Variants in TMEM132D observed in about 807,000 individuals in gnomAD.
TMEM132D encodes the protein transmembrane protein 132D.
A neutral mutation model predicts 62.3 loss-of-function variants in TMEM132D; 21 were observed. The ratio of observed to expected loss-of-function variants is 0.34; its 90% CI spans 0.24 to 0.49. The LOEUF (loss-of-function observed/expected upper bound fraction) is 0.49, where lower values mean the gene tolerates loss of function less well. Ranked by LOEUF, TMEM132D falls within the 20% of genes least tolerant of loss-of-function variation. TMEM132D has a pLI of 0.99. For synonymous variants in TMEM132D, 621 were observed against 575.6 expected (o/e 1.08, Z -1.13); for missense variants, 1,346 against 1,402.8 (o/e 0.96, Z 0.65).
chr12:129,080,992 C>G lies in TMEM132D; in HGVS notation c.1923+767G>C, dbSNP rs116783806. Among the ~76,000 whole-genome samples, 1,175 of 152,208 alleles carry G rather than the reference C, an allele frequency of 7.7e-3. 12 individuals are homozygous for G. The highest frequency in any genetic ancestry group is 0.026 in the African/African-American group (1,079 of 41,534). The stretch of plus-strand genomic sequence containing the variant: ...TCCTTTAGCACATTTCTGAGTTGTT[C>G]AGGTTCTCATCAGGCCCGCGGCTGT... On this transcript the variant is annotated intron_variant, in intron 7 of 8. Transcript: ENST00000422113.
chr12:129,707,194 GTAATA>G (rs965058198), intron 1 of TMEM132D, among the ~76,000 whole-genome samples: 14 of 147,248 alleles, frequency 9.5e-5, no homozygotes, highest in East Asian at 3.9e-4. Context: ...TAATAACATT[GTAATA>G]TAATATATAA....
At chr12:129,314,458 T>C (rs1332927253) in intron 4 of TMEM132D, among the ~76,000 whole-genome samples, 1 of 152,220 alleles carries the variant, frequency 6.6e-6, no homozygotes, top group East Asian at 1.9e-4. Flanking sequence ...TTCTCTATTC[T>C]GTTCCATTGG....
At position 129,882,525 on chromosome 12, in the gene TMEM132D, T is replaced by A. The variant is rs115326890; in HGVS notation, c.79+20736A>T. Among the ~76,000 whole-genome samples, 174 of 152,300 alleles carry A rather than the reference T, an allele frequency of 1.1e-3. 1 individual carries two copies. Among genetic ancestry groups the A allele is most frequent in the African/African-American group, 4.1e-3 (169 of 41,572 alleles). ...TTACTAAGACAAGTCAGGAATAAGT[T>A]CTAGTGGTCTAAACCACTGTAAGAT... On this transcript the variant is annotated intron_variant, in intron 1 of 8. Coordinates refer to ENST00000422113, the MANE Select transcript of TMEM132D (RefSeq NM_133448.3).
chr12:129,758,156 C>T (rs1266673329), intron 1 of TMEM132D, among the ~76,000 whole-genome samples: 3 of 152,116 alleles, frequency 2.0e-5, no homozygotes, highest in Admixed American at 6.5e-5. Context: ...CCTCCTGCCT[C>T]GGCTTCCCAA....
rs76800262 is a variant in TMEM132D, at chr12:129,660,707, C to A, written c.968+39103G>T. On this transcript the variant is annotated intron_variant, in intron 2 of 8. Transcript: ENST00000422113. ...GGGGTACAGGAGCTAGTCTGCACAC[C>A]TTGTACCAAAATGTACTAATGACAA... Among the ~76,000 whole-genome samples the A allele has an allele frequency of 3.6e-3, 547 of 152,238 alleles. 15 individuals carry two copies. In the East Asian group the frequency reaches 0.055, roughly 15 times the overall value.
chr12:129,297,136 T>G (rs1473384452), intron 4 of TMEM132D, among the ~76,000 whole-genome samples: 3 of 152,162 alleles, frequency 2.0e-5, no homozygotes, highest in African/African-American at 7.2e-5. Flanking sequence ...GTCTTTAGTG[T>G]CAGAGGAAAG....
intron 1 of TMEM132D, among the ~76,000 whole-genome samples, chr12:129,785,636 C>T (rs1294058542): frequency 4.6e-5 from 7 of 152,240 alleles, no homozygotes; most frequent in East Asian, 1.9e-4. Flanking sequence ...GCCTTTGAAA[C>T]GCAGGCCAGA....
At chr12:129,263,267 A>T (rs190791969) in intron 4 of TMEM132D, among the ~76,000 whole-genome samples, 4 of 151,050 alleles carry the variant, frequency 2.6e-5, no homozygotes, top group East Asian at 1.9e-4. Context: ...CCTTTACTAT[A>T]CTCTGTTCAA....
intron 3 of TMEM132D, among the ~76,000 whole-genome samples, chr12:129,529,411 T>G (rs1876151075): frequency 6.6e-6 from 1 of 152,228 alleles, no homozygotes; most frequent in Non-Finnish European, 1.5e-5. Flanking sequence ...AAAGGCAGCT[T>G]ACATTTCAAT....
intron 4 of TMEM132D, among the ~76,000 whole-genome samples, chr12:129,253,642 C>T (rs1162237815): frequency 6.6e-6 from 1 of 152,182 alleles, no homozygotes; most frequent in Non-Finnish European, 1.5e-5. Flanking sequence ...TTTTCTCCTC[C>T]ATGTCTCAAC....
chr12:129,290,434 T>A (rs4760019), intron 4 of TMEM132D, among the ~76,000 whole-genome samples: 145,086 of 152,288 alleles, frequency 0.95, 69,507 homozygotes, highest in East Asian at 1. Context: ...CCTGAGCTGC[T>A]GCTAGCAGTA....
intron 4 of TMEM132D, among the ~76,000 whole-genome samples, chr12:129,269,315 C>T (rs1481371637): frequency 6.7e-6 from 1 of 148,714 alleles, no homozygotes; most frequent in African/African-American, 2.4e-5. Flanking sequence ...TATCCCATTA[C>T]CTGATGGTAT....
Position 129,429,367 on chromosome 12 carries a change from TTTTGTTTG to T in TMEM132D, c.1116-91558_1116-91551del, listed in dbSNP as rs71082712. Among the ~76,000 whole-genome samples the T allele has an allele frequency of 9.2e-5, 14 of 151,734 alleles. No individual in the cohort carries two copies. The East Asian group carries it at 1.6e-3, about 17-fold the overall frequency. Reference sequence around the variant, plus strand: ...TAATAGAGGAAATTGCTTTATAGTTTTTTGTTTGTTTGTTTGTTTGTTTGTCATTGGTG... The same window carrying T: ...TAATAGAGGAAATTGCTTTATAGTTTTTTGTTTGTTTGTTTGTCATTGGTG... On this transcript the variant is annotated intron_variant, in intron 3 of 8. Coordinates refer to ENST00000422113, the MANE Select transcript of TMEM132D (RefSeq NM_133448.3).
chr12:129,536,332 A>G (rs1298852838), intron 2 of TMEM132D, among the ~76,000 whole-genome samples: 1 of 152,216 alleles, frequency 6.6e-6, no homozygotes, highest in Non-Finnish European at 1.5e-5. Context: ...CTTTGGGGTC[A>G]CAGCAAAGCT....
At chr12:129,877,628 CAGAGAGAG>C (rs71085585) in intron 1 of TMEM132D, among the ~76,000 whole-genome samples, 3 of 146,854 alleles carry the variant, frequency 2.0e-5, no homozygotes, top group African/African-American at 7.8e-5. Context: ...CACACACACA[CAGAGAGAG>C]AGAGAGAGAG....
intron 1 of TMEM132D, among the ~76,000 whole-genome samples, chr12:129,706,602 T>G (rs1292558678): frequency 1.3e-5 from 2 of 151,898 alleles, no homozygotes; most frequent in Admixed American, 6.6e-5. Context: ...AAGTAAATAA[T>G]GACATGAAGA....
At chr12:129,332,336 G>A (rs558377279) in intron 4 of TMEM132D, among the ~76,000 whole-genome samples, 15 of 152,060 alleles carry the variant, frequency 9.9e-5, no homozygotes, top group African/African-American at 3.4e-4. Context: ...GGGGAAAAAA[G>A]GCAAACTATT....
chr12:129,144,077 A>T (rs545798960), intron 5 of TMEM132D, among the ~76,000 whole-genome samples: 1 of 152,178 alleles, frequency 6.6e-6, no homozygotes, highest in African/African-American at 2.4e-5. Context: ...GAGGGCTGAG[A>T]TGTTACATCC....
At chr12:129,728,699 A>C (rs61945250) in intron 1 of TMEM132D, among the ~76,000 whole-genome samples, 24,272 of 152,210 alleles carry the variant, frequency 0.16, 2,198 homozygotes, top group South Asian at 0.25. Context: ...TCTAATGATT[A>C]AACCCCAGGG....
Sources: allele counts gnomAD v4.1 joint callset (sites outside exome capture counted in the v4.1 genomes callset), GRCh38; gene constraint gnomAD v4.1.1; transcripts MANE v1.5; gene names NCBI Gene and HGNC (gene_info 2026-07-23, HGNC 2026-07-21).